FMN2: variants seen among roughly 807,000 people sequenced by gnomAD.
The protein encoded by FMN2 is formin-2.
FMN2 carries 51 observed loss-of-function variants against 142.3 expected under a neutral mutation model. The ratio of observed to expected loss-of-function variants is 0.36; its 90% CI spans 0.29 to 0.45. FMN2 has a LOEUF of 0.45. Ranked by LOEUF, FMN2 falls within the 20% of genes least tolerant of loss-of-function variation. The pLI, the probability that FMN2 is intolerant of heterozygous loss-of-function variation, is 1.00. For synonymous variants in FMN2, 882 were observed against 869.8 expected (o/e 1.01, Z -0.25); for missense variants, 1,936 against 2,122.8 (o/e 0.91, Z 1.73).
intron 15 of FMN2, among the ~76,000 whole-genome samples, chr1:240,424,060 A>G (rs1446915517): frequency 6.6e-6 from 1 of 152,146 alleles, no homozygotes; most frequent in East Asian, 1.9e-4. Context: ...AAACAAATTT[A>G]TTTCTTTCAG....
At chr1:240,322,096 A>G (rs950051533) in intron 8 of FMN2, among the ~76,000 whole-genome samples, 4 of 152,182 alleles carry the variant, frequency 2.6e-5, no homozygotes, top group Admixed American at 6.5e-5. Flanking sequence ...CATGTCACAA[A>G]AAGCCGATTT....
In FMN2 at chr1:240,194,780, C is replaced by A. The variant is rs577118207; in HGVS notation, c.1986+6518C>A. 2.0e-5 allele frequency among the ~76,000 whole-genome samples: 3 copies of A among 152,308 alleles called. No homozygotes were observed. The South Asian group carries it at 6.2e-4, about 32-fold the overall frequency. On this transcript the variant is annotated intron_variant, in intron 4 of 17. Transcript: ENST00000319653. The stretch of plus-strand genomic sequence containing the variant: ...GAAACTATGTTAATGTTTGCTCAAG[C>A]CTTTACAGGCCAAGGCTAAGGCCTA...
At chr1:240,314,156 T>TAAGAATTCCACTGCTAGC (rs1234559307) in intron 8 of FMN2, among the ~76,000 whole-genome samples, 1 of 152,170 alleles carries the variant, frequency 6.6e-6, no homozygotes, top group Non-Finnish European at 1.5e-5. Flanking sequence ...AATTATCATA[T>TAAGAATTCCACTGCTAGC]AAGAATTCCA....
chr1:240,232,796 C>T (rs890270574), intron 6 of FMN2, among the ~76,000 whole-genome samples: 6 of 152,186 alleles, frequency 3.9e-5, no homozygotes, highest in Non-Finnish European at 7.3e-5. Context: ...TTAATAACCA[C>T]GGCATTCCTT....
intron 7 of FMN2, among the ~76,000 whole-genome samples, chr1:240,265,900 ATAACT>A (rs1668779010): frequency 6.8e-6 from 1 of 146,516 alleles, no homozygotes; most frequent in South Asian, 2.2e-4. Context: ...AGTAAGAGAG[ATAACT>A]TAAAGGGGTT....
intron 1 of FMN2, among the ~76,000 whole-genome samples, chr1:240,100,124 A>G (rs1365227393): frequency 6.6e-6 from 1 of 152,212 alleles, no homozygotes; most frequent in Non-Finnish European, 1.5e-5. Context: ...CTGGGCAGTC[A>G]AAATTAATTA....
At position 240,417,655 on chromosome 1, in the gene FMN2, G is replaced by A. The variant is rs577744568; in HGVS notation, c.4911-20406G>A. On this transcript the variant is annotated intron_variant, in intron 15 of 17. Transcript: ENST00000319653. ...GAGTCCTTTGGTATCTCAGTTTATG[G>A]TTTGCATATGGGAGCAACTCCTCTA... Among the ~76,000 whole-genome samples, 4 of 150,618 alleles carry A rather than the reference G, an allele frequency of 2.7e-5. No individual in the cohort carries two copies. The South Asian group carries it at 8.4e-4, about 32-fold the overall frequency.
chr1:240,355,715 G>A (rs929681467), intron 13 of FMN2, 101 bp from the exon 14 acceptor site: 1 of 708,170 alleles, frequency 1.4e-6, no homozygotes, highest in South Asian at 1.9e-5. Flanking sequence ...CTGATTAGGG[G>A]AGTTAACAGA....
At chr1:240,448,376 ATG>A (rs761962973) in intron 16 of FMN2, among the ~76,000 whole-genome samples, 125 of 152,248 alleles carry the variant, frequency 8.2e-4, no homozygotes, top group African/African-American at 2.3e-3. Flanking sequence ...ATGCATATAT[ATG>A]TGTGTGTGTA....
Position 240,257,998 on chromosome 1 carries a change from T to C in FMN2, c.4119T>C (p.Ser1373=), listed in dbSNP as rs1354971617. 6.2e-7 allele frequency: 1 copy of C among 1,612,730 alleles called. No individual in the cohort carries two copies. Residue 1373 remains serine (S), a synonymous_variant, in exon 7 of 18, where the codon TCT becomes TCC. Transcript: ENST00000319653. ...KRSQAVGILM[S]SLHLDMKDIQ... ...CACAAGCAGTTGGAATACTAATGTC[T>C]AGCCTTCATTTAGATATGAAAGACA...
intron 6 of FMN2, among the ~76,000 whole-genome samples, chr1:240,237,516 G>A (rs767717005): frequency 2.6e-5 from 4 of 152,054 alleles, no homozygotes; most frequent in African/African-American, 7.3e-5. Flanking sequence ...TGGATTTTTC[G>A]AAATAGACTA....
chr1:240,448,265 T>C (rs748514349), intron 16 of FMN2, among the ~76,000 whole-genome samples: 2 of 152,204 alleles, frequency 1.3e-5, no homozygotes, highest in Non-Finnish European at 2.9e-5. Flanking sequence ...AGTTTGACTC[T>C]GTAGTGATGA....
At chr1:240,230,377 A>G (rs11584311) in intron 6 of FMN2, among the ~76,000 whole-genome samples, 67,450 of 128,750 alleles carry the variant, frequency 0.52, 24,924 homozygotes, top group African/African-American at 0.63. Flanking sequence ...ATAGAAAAGA[A>G]AGAGAATAGT....
At chr1:240,233,392 A>G (rs1411662563) in intron 6 of FMN2, among the ~76,000 whole-genome samples, 1 of 65,106 alleles carries the variant, frequency 1.5e-5, no homozygotes, top group African/African-American at 1.3e-4. Flanking sequence ...CTCAAAAAAG[A>G]AAAAAAAAAA....
chr1:240,178,528 A>G (rs1392953990), intron 3 of FMN2, among the ~76,000 whole-genome samples: 2 of 150,238 alleles, frequency 1.3e-5, no homozygotes, highest in Non-Finnish European at 3.0e-5. Context: ...TGCAGTCTCA[A>G]CTTCCCTGGC....
At chr1:240,296,522 A>G (rs1052795691) in intron 8 of FMN2, among the ~76,000 whole-genome samples, 5 of 133,850 alleles carry the variant, frequency 3.7e-5, no homozygotes, top group African/African-American at 1.4e-4. Context: ...TCTTTGGGGC[A>G]TGGCCTTAGT....
chr1:240,332,433 C>T (rs1231096134), intron 11 of FMN2, among the ~76,000 whole-genome samples: 1 of 151,716 alleles, frequency 6.6e-6, no homozygotes, highest in African/African-American at 2.4e-5. Context: ...TCAGCAACTG[C>T]TTGTTGGAGT....
At chr1:240,101,024 G>C (rs1485192127) in intron 1 of FMN2, among the ~76,000 whole-genome samples, 44 of 152,148 alleles carry the variant, frequency 2.9e-4, no homozygotes, top group Admixed American at 2.8e-3. Context: ...GTTGTTTTAG[G>C]TACGCAGGAG....
At chr1:240,419,490 T>C (rs915878689) in intron 15 of FMN2, among the ~76,000 whole-genome samples, 33 of 152,282 alleles carry the variant, frequency 2.2e-4, no homozygotes, top group Admixed American at 1.4e-3. Flanking sequence ...GAGTGGGTGA[T>C]TGACCACTAC....
Sources: gnomAD v4.1 joint callset for allele counts (sites outside exome capture counted in the v4.1 genomes callset) on GRCh38, gnomAD v4.1.1 for gene constraint, MANE v1.5 for transcripts, NCBI Gene and HGNC (gene_info 2026-07-23, HGNC 2026-07-21) for gene names.